Variants in EPB41L4A observed in about 807,000 individuals in gnomAD.
The protein encoded by EPB41L4A is band 4.1-like protein 4A.
In EPB41L4A, 100 loss-of-function variants were observed where a neutral mutation model predicts 108.6. That is an observed-to-expected ratio of 0.92 (90% CI 0.78 to 1.09). EPB41L4A has a LOEUF of 1.09. Among genes scored for constraint, EPB41L4A ranks in the 50% least tolerant of loss-of-function variants. The pLI is 0.00. For synonymous variants in EPB41L4A, 319 were observed against 289.0 expected (o/e 1.10, Z -1.05); for missense variants, 1,030 against 842.7 (o/e 1.22, Z -2.75).
At chr5:112,298,302 T>C (rs1203113021) in intron 2 of EPB41L4A, among the ~76,000 whole-genome samples, 1 of 152,154 alleles carries the variant, frequency 6.6e-6, no homozygotes, top group African/African-American at 2.4e-5. Flanking sequence ...TCCCCGTTCA[T>C]ATTATGTTGG....
At chr5:112,313,191 G>T (rs1373116542) in intron 1 of EPB41L4A, among the ~76,000 whole-genome samples, 1 of 152,118 alleles carries the variant, frequency 6.6e-6, no homozygotes, top group Non-Finnish European at 1.5e-5. Context: ...CAGCCTATTA[G>T]AATCCCTGAG....
intron 18 of EPB41L4A, among the ~76,000 whole-genome samples, chr5:112,173,876 T>C (rs1299868273): frequency 6.6e-6 from 1 of 152,086 alleles, no homozygotes; most frequent in Non-Finnish European, 1.5e-5. Context: ...TCTCTTGACC[T>C]CATAATCTGC....
Position 112,383,730 on chromosome 5 carries a change from C to T in EPB41L4A, c.99+35211G>A, listed in dbSNP as rs552916917. Among the ~76,000 whole-genome samples, 6 of 150,922 alleles carry T rather than the reference C, an allele frequency of 4.0e-5. No individual in the cohort carries two copies. In the South Asian group the frequency reaches 1.3e-3, roughly 32 times the overall value. ...ACTTTTGGTACACTAACAGACAAAT[C>T]AATAAAATGGGGGTGGGGGAAAAGC... On this transcript the variant is annotated intron_variant, in intron 1 of 22. Coordinates refer to ENST00000261486, the MANE Select transcript of EPB41L4A (RefSeq NM_022140.5).
chr5:112,215,148 AAT>A (rs1480475199), intron 12 of EPB41L4A, among the ~76,000 whole-genome samples: 1 of 152,218 alleles, frequency 6.6e-6, no homozygotes, highest in African/African-American at 2.4e-5. Context: ...ATCTTTATTT[AAT>A]AAGTGTCAAA....
chr5:112,327,350 C>T lies in EPB41L4A; in HGVS notation c.100-19860G>A, dbSNP rs1756240300. On this transcript the variant is annotated intron_variant, in intron 1 of 22. Coordinates refer to ENST00000261486, the MANE Select transcript of EPB41L4A (RefSeq NM_022140.5). ...AGAAATAAATATCCTCTAAAACTAC[C>T]TTTAAGGATGTAGCAATGTCAAAAC... Among the ~76,000 whole-genome samples the T allele has an allele frequency of 3.3e-5, 5 of 152,122 alleles. No individual in the cohort carries two copies. In the South Asian group the frequency reaches 1.0e-3, roughly 32 times the overall value.
intron 6 of EPB41L4A, 46 bp from the exon 7 acceptor site, chr5:112,262,627 T>C (rs1350934866): frequency 2.0e-6 from 3 of 1,478,554 alleles, no homozygotes; most frequent in South Asian, 2.3e-5. Flanking sequence ...CAGCAGCTAC[T>C]GCACTTACAG....
chr5:112,303,856 A>G (rs1754531259), intron 2 of EPB41L4A, among the ~76,000 whole-genome samples: 1 of 152,162 alleles, frequency 6.6e-6, no homozygotes, highest in African/African-American at 2.4e-5. Flanking sequence ...AGCCAAAGAC[A>G]GCAGCAGATA....
intron 6 of EPB41L4A, chr5:112,263,374 C>T (rs1250958716): frequency 1.3e-5 from 2 of 152,198 alleles, no homozygotes; most frequent in Non-Finnish European, 2.9e-5. Flanking sequence ...AAACCACCAA[C>T]GTACCATACT....
At chr5:112,262,663 C>T in intron 6 of EPB41L4A, 82 bp from the exon 7 acceptor site, 2 of 1,115,638 alleles carry the variant, frequency 1.8e-6, no homozygotes, top group Non-Finnish European at 1.3e-6. Context: ...TCATTGTATT[C>T]AATGGGAAAA....
chr5:112,243,218 AATAT>A (rs1045029867), intron 9 of EPB41L4A, among the ~76,000 whole-genome samples: 1 of 142,326 alleles, frequency 7.0e-6, no homozygotes, highest in Non-Finnish European at 1.5e-5. Flanking sequence ...CTGTCTCGAA[AATAT>A]ATATATATAT....
chr5:112,313,742 G>A (rs1027954328), intron 1 of EPB41L4A, among the ~76,000 whole-genome samples: 53 of 151,636 alleles, frequency 3.5e-4, no homozygotes, highest in Non-Finnish European at 5.4e-4. Context: ...TTTATGCACC[G>A]AGAAGTGTTA....
intron 12 of EPB41L4A, among the ~76,000 whole-genome samples, chr5:112,153,662 C>T (rs1049359463): frequency 2.0e-5 from 3 of 149,628 alleles, no homozygotes; most frequent in East Asian, 3.9e-4. Flanking sequence ...AACCTTAAAA[C>T]ACACAATAGC....
chr5:112,368,167 A>G (rs912940336), intron 1 of EPB41L4A, among the ~76,000 whole-genome samples: 1 of 152,220 alleles, frequency 6.6e-6, no homozygotes, highest in East Asian at 1.9e-4. Context: ...TCAACTTATT[A>G]TCTTTAAAGA....
chr5:112,300,483 C>A (rs1754280004), intron 2 of EPB41L4A, among the ~76,000 whole-genome samples: 1 of 152,204 alleles, frequency 6.6e-6, no homozygotes, highest in Non-Finnish European at 1.5e-5. Context: ...GACCCAATCC[C>A]TTCTACCTTG....
chr5:112,146,014 G>T (rs1429005115), intron 12 of EPB41L4A: 2 of 455,824 alleles, frequency 4.4e-6, no homozygotes, highest in Non-Finnish European at 8.8e-6. Context: ...AAAGAAAAAA[G>T]TTTGCTGTGA....
chr5:112,155,604 C>T (rs909788829), intron 12 of EPB41L4A, among the ~76,000 whole-genome samples: 1 of 152,042 alleles, frequency 6.6e-6, no homozygotes, highest in African/African-American at 2.4e-5. Context: ...ACATCTTCCT[C>T]CCTAATTATA....
At chr5:112,412,635 T>C (rs573927288) in intron 1 of EPB41L4A, among the ~76,000 whole-genome samples, 1 of 152,260 alleles carries the variant, frequency 6.6e-6, no homozygotes, top group Non-Finnish European at 1.5e-5. Context: ...TCTTAACATA[T>C]GAAACGTGGA....
intron 2 of EPB41L4A, among the ~76,000 whole-genome samples, chr5:112,288,667 A>G (rs1462098868): frequency 1.3e-5 from 2 of 152,150 alleles, no homozygotes; most frequent in Non-Finnish European, 2.9e-5. Context: ...AAGCATTTAT[A>G]CTGGTTATCC....
In EPB41L4A at chr5:112,266,219, T is replaced by G; in HGVS notation, c.433+14A>C. ...CAGACATTTCTGAGGCAAATATGCT[T>G]AAGTGGCACCTACACTGGATGGCAT... On this transcript the variant is annotated intron_variant, in intron 5 of 22. Transcript: ENST00000261486. The G allele has an allele frequency of 6.4e-7, 1 of 1,570,720 alleles. No individual in the cohort carries two copies. The highest frequency in any genetic ancestry group is 8.6e-7 in the Non-Finnish European group (1 of 1,159,054).
Sources: allele counts gnomAD v4.1 joint callset (sites outside exome capture counted in the v4.1 genomes callset), GRCh38; gene constraint gnomAD v4.1.1; transcripts MANE v1.5; gene names NCBI Gene and HGNC (gene_info 2026-07-23, HGNC 2026-07-21).